Variants in MXI1 observed in about 807,000 individuals in gnomAD.
MXI1 encodes max-interacting protein 1.
Under a neutral mutation model 36.9 loss-of-function variants are expected in MXI1, and 18 were observed. The observed-to-expected ratio is 0.49, with a 90% CI of 0.34 to 0.72. The LOEUF is 0.72. Ranked by LOEUF, MXI1 falls within the 30% of genes least tolerant of loss-of-function variation. The pLI is 0.01. For missense variants in MXI1, 304 were observed against 379.1 expected (o/e 0.80, Z 1.64); for synonymous variants, 160 against 146.7 (o/e 1.09, Z -0.65).
At chr10:110,236,619 C>T (rs904543340) in intron 2 of MXI1, among the ~76,000 whole-genome samples, 3 of 152,120 alleles carry the variant, frequency 2.0e-5, no homozygotes, top group African/African-American at 7.2e-5. Context: ...CACTCCCACA[C>T]TCTGCTAATT....
intron 3 of MXI1, among the ~76,000 whole-genome samples, chr10:110,246,324 T>TA (rs1316838839): frequency 1.4e-4 from 21 of 148,786 alleles, no homozygotes; most frequent in South Asian, 6.4e-4. Context: ...GACCCTGTCT[T>TA]AAAAAAAAAA....
In MXI1 at chr10:110,270,050, GTC is replaced by G. The variant is rs1385032566; in HGVS notation, c.438-9129_438-9128del. On this transcript the variant is annotated intron_variant, in intron 3 of 5. Transcript: ENST00000332674. ...CATCGATGGCTAAGTTTTGACAGTA[GTC>G]CAGGTTCAGAGCCTGATCTCTCTAG... is the stretch of plus-strand genomic sequence containing the variant. Among the ~76,000 whole-genome samples, 6 of 152,176 alleles carry G rather than the reference GTC, an allele frequency of 3.9e-5. No individual in the cohort carries two copies. The East Asian group carries it at 1.2e-3, about 29-fold the overall frequency.
chr10:110,228,427 AC>A, intron 2 of MXI1, 106 bp downstream of exon 2: 1 of 1,362,344 alleles, frequency 7.3e-7, no homozygotes, highest in Admixed American at 2.1e-5. Flanking sequence ...CTTTACCACT[AC>A]CCTGGGGATT....
At chr10:110,256,570 T>C (rs1264933037) in intron 3 of MXI1, among the ~76,000 whole-genome samples, 1 of 115,540 alleles carries the variant, frequency 8.7e-6, no homozygotes, top group Non-Finnish European at 1.6e-5. Context: ...GCCACTGCAC[T>C]CCAACCTAGG....
chr10:110,256,757 C>T (rs1017395583), intron 3 of MXI1, among the ~76,000 whole-genome samples: 1 of 152,080 alleles, frequency 6.6e-6, no homozygotes, highest in African/African-American at 2.4e-5. Context: ...ACTTTGTAGT[C>T]ATCCATTCAT....
intron 5 of MXI1, among the ~76,000 whole-genome samples, chr10:110,282,098 T>C (rs1857271053): frequency 6.6e-6 from 1 of 152,244 alleles, no homozygotes; most frequent in Non-Finnish European, 1.5e-5. Flanking sequence ...ATGCTTGGTC[T>C]TGGTTTTTGC....
intron 3 of MXI1, among the ~76,000 whole-genome samples, chr10:110,263,098 A>T (rs1178190683): frequency 6.6e-6 from 1 of 152,194 alleles, no homozygotes; most frequent in Non-Finnish European, 1.5e-5. Flanking sequence ...ACTTAAGGTG[A>T]ATTAGTAAGG....
chr10:110,286,657 A>C lies in MXI1; in HGVS notation c.*1670A>C, dbSNP rs1006657620. 4 of 152,672 alleles carry C rather than the reference A, an allele frequency of 2.6e-5. No individual in the cohort carries two copies. The highest frequency in any genetic ancestry group is 7.2e-5 in the African/African-American group (3 of 41,466). The allele number at this position is 152,672 out of a possible 1,614,324, so 9.5% of individuals were successfully genotyped here. On this transcript the variant is annotated 3_prime_UTR_variant, in exon 6 of 6. Coordinates refer to ENST00000332674, the MANE Select transcript of MXI1 (RefSeq NM_130439.3). ...TGCAGTTGAGTTGTGTGTTAATGTT[A>C]GACTATCCCTTTGTGAGTGACACTT...
intron 3 of MXI1, 60 bp from the exon 4 acceptor site, chr10:110,279,120 T>C: frequency 7.9e-7 from 1 of 1,272,930 alleles, no homozygotes; most frequent in Non-Finnish European, 1.1e-6. Context: ...TAAAATAGGT[T>C]TTATGATATT....
At chr10:110,283,659 C>T (rs1857340392) in intron 5 of MXI1, among the ~76,000 whole-genome samples, 1 of 151,916 alleles carries the variant, frequency 6.6e-6, no homozygotes, top group Admixed American at 6.6e-5. Context: ...ACTGAAAAAT[C>T]CTGGGTTTCA....
intron 3 of MXI1, among the ~76,000 whole-genome samples, chr10:110,253,571 G>A (rs1352862540): frequency 6.6e-6 from 1 of 152,006 alleles, no homozygotes; most frequent in Non-Finnish European, 1.5e-5. Context: ...AAACAACATT[G>A]GTTTGACAGA....
At chr10:110,247,988 A>G (rs1855934503) in intron 3 of MXI1, among the ~76,000 whole-genome samples, 1 of 152,238 alleles carries the variant, frequency 6.6e-6, no homozygotes, top group South Asian at 2.1e-4. Flanking sequence ...AATGTGGCAC[A>G]TATACACCAT....
intron 5 of MXI1, among the ~76,000 whole-genome samples, chr10:110,283,252 C>T (rs188689766): frequency 6.8e-6 from 1 of 146,374 alleles, no homozygotes; most frequent in Admixed American, 7.5e-5. Context: ...CTTTTGGCCT[C>T]ACAAGAATCC....
At chr10:110,271,360 G>A (rs1436306176) in intron 3 of MXI1, among the ~76,000 whole-genome samples, 1 of 152,162 alleles carries the variant, frequency 6.6e-6, no homozygotes, top group Non-Finnish European at 1.5e-5. Context: ...ACATCCACTA[G>A]AAGTATTACA....
At chr10:110,242,307 C>A (rs1400152623) in intron 2 of MXI1, among the ~76,000 whole-genome samples, 2 of 151,922 alleles carry the variant, frequency 1.3e-5, no homozygotes, top group Non-Finnish European at 2.9e-5. Flanking sequence ...CTAAACATAT[C>A]TTAATTTACC....
chr10:110,242,733 C>A (rs1207643948), intron 2 of MXI1, among the ~76,000 whole-genome samples: 1 of 151,862 alleles, frequency 6.6e-6, no homozygotes, highest in Non-Finnish European at 1.5e-5. Context: ...ATAATAGACT[C>A]AATATAATAT....
At chr10:110,232,086 G>C (rs142349983) in intron 2 of MXI1, among the ~76,000 whole-genome samples, 2,176 of 151,988 alleles carry the variant, frequency 0.014, 48 homozygotes, top group African/African-American at 0.05. Flanking sequence ...TCAGCCTCCC[G>C]AGTAGCTAGG....
At chr10:110,210,247 C>T (rs1212946234) in intron 1 of MXI1, 1 of 984,970 alleles carries the variant, frequency 1.0e-6, no homozygotes, top group Non-Finnish European at 1.2e-6. Context: ...CCGAGGCGTC[C>T]GCCCTGCAAA....
At chr10:110,231,537 A>G (rs991421595) in intron 2 of MXI1, among the ~76,000 whole-genome samples, 1 of 152,198 alleles carries the variant, frequency 6.6e-6, no homozygotes, top group Non-Finnish European at 1.5e-5. Context: ...CCTTGCAAAT[A>G]CCAGTAATTT....
Sources: allele counts gnomAD v4.1 joint callset (sites outside exome capture counted in the v4.1 genomes callset), GRCh38; gene constraint gnomAD v4.1.1; transcripts MANE v1.5; gene names NCBI Gene and HGNC (gene_info 2026-07-23, HGNC 2026-07-21).